Variants in PCDHA10 observed in about 807,000 individuals in gnomAD.
PCDHA10 encodes the protein protocadherin alpha-10.
In PCDHA10, 45 loss-of-function variants were observed where a neutral mutation model predicts 61.2. That is an observed-to-expected ratio of 0.74 (90% confidence interval 0.58 to 0.94). The LOEUF is 0.94. Among genes scored for constraint, PCDHA10 ranks in the 40% least tolerant of loss-of-function variants. PCDHA10 has a pLI of 0.00. For synonymous variants in PCDHA10, 602 were observed against 548.8 expected (o/e 1.10, Z -1.35); for missense variants, 1,278 against 1,236.2 (o/e 1.03, Z -0.51).
chr5:140,891,688 T>G (rs2063203967), intron 1 of PCDHA10, among the ~76,000 whole-genome samples: 1 of 152,224 alleles, frequency 6.6e-6, no homozygotes, highest in Non-Finnish European at 1.5e-5. Flanking sequence ...TCTCTCTTCT[T>G]GCTGTTGTCT....
intron 3 of PCDHA10, among the ~76,000 whole-genome samples, chr5:140,999,630 A>G (rs2097866462): frequency 1.3e-5 from 2 of 152,210 alleles, no homozygotes; most frequent in Non-Finnish European, 2.9e-5. Context: ...GAAACAAGGT[A>G]GAGAAAACTG....
At position 140,941,202 on chromosome 5, in the gene PCDHA10, C is replaced by CCCTTCTTTCTTTCTTT. The variant is rs2092811279; in HGVS notation, c.2389-37746_2389-37745insCTTCTTTCTTTCTTTC. Among the ~76,000 whole-genome samples, 5 of 122,742 alleles carry CCCTTCTTTCTTTCTTT rather than the reference C, an allele frequency of 4.1e-5. No homozygotes were observed. The East Asian group carries it at 1.1e-3, about 27-fold the overall frequency. 80.5% of individuals were successfully genotyped at this position (122,742 alleles called of 152,430 possible). On this transcript the variant is annotated intron_variant, in intron 1 of 3. Transcript: ENST00000307360. ...TCCTGCTTCTTTTTTTTTCTTTCTTCCTTTCTTTCTTCCTTTCTTTCTTTC... is the reference window on the plus strand; with the variant it reads ...TCCTGCTTCTTTTTTTTTCTTTCTTCCCTTCTTTCTTTCTTTCTTTCTTTCTTCCTTTCTTTCTTTC...
chr5:141,004,608 T>A (rs2153981502), intron 3 of PCDHA10, among the ~76,000 whole-genome samples: 1 of 152,348 alleles, frequency 6.6e-6, no homozygotes, highest in African/African-American at 2.4e-5. Flanking sequence ...TTAGGCCTCA[T>A]GCAGAGTCCT....
At chr5:140,861,372 A>C (rs2046882996) in intron 1 of PCDHA10, 3 of 407,054 alleles carry the variant, frequency 7.4e-6, no homozygotes, top group Non-Finnish European at 1.5e-5. Flanking sequence ...CGCGGTCCCT[A>C]TTGCGCAGGA....
intron 1 of PCDHA10, among the ~76,000 whole-genome samples, chr5:140,936,295 C>T (rs1482125698): frequency 1.3e-5 from 2 of 152,182 alleles, no homozygotes; most frequent in African/African-American, 4.8e-5. Context: ...TATAACATTG[C>T]TATCCAATAG....
chr5:140,992,841 A>G (rs1351149915), intron 3 of PCDHA10, among the ~76,000 whole-genome samples: 2 of 152,188 alleles, frequency 1.3e-5, no homozygotes, highest in African/African-American at 2.4e-5. Flanking sequence ...AACATTTTGT[A>G]TAACAACCAG....
rs1478449575 is a variant in PCDHA10 at position 141,010,392 on chromosome 5, G to A, written c.*455G>A. The stretch of plus-strand genomic sequence containing the variant: ...GCGAGTGCCAGATATTGGCTGAGAC[G>A]AGCCAGCTTAGACTAATTGGTACAA... On this transcript the variant is annotated 3_prime_UTR_variant, in exon 4 of 4. Transcript: ENST00000307360. The A allele has an allele frequency of 8.0e-6, 11 of 1,381,722 alleles. No individual in the cohort carries two copies. The highest frequency in any genetic ancestry group is 7.3e-5 in the African/African-American group (5 of 68,772). The allele number at this position is 1,381,722 out of a possible 1,614,324, so 85.6% of individuals were successfully genotyped here. A position where few individuals can be genotyped will look rare whatever the true frequency, so the allele number is the denominator to read the frequency against.
In PCDHA10 at chr5:140,966,434, C is replaced by G. The variant is rs889087342; in HGVS notation, c.2389-12515C>G. 9 of 423,984 alleles carry G rather than the reference C, an allele frequency of 2.1e-5. No individual in the cohort carries two copies. In the Admixed American group the frequency reaches 3.9e-4, roughly 19 times the overall value. The allele number at this position is 423,984 out of a possible 1,614,324, so 26.3% of individuals were successfully genotyped here. On this transcript the variant is annotated intron_variant, in intron 1 of 3. Coordinates refer to ENST00000307360, the MANE Select transcript of PCDHA10 (RefSeq NM_018901.4). ...GAGCAGGACTTGCTGAGCCCTCCTA[C>G]CGCTCCCTTTCCCCCTCCCCCTCTG...
chr5:140,988,750 C>G (rs1282256432), intron 3 of PCDHA10, among the ~76,000 whole-genome samples: 1 of 152,074 alleles, frequency 6.6e-6, no homozygotes, highest in Non-Finnish European at 1.5e-5. Context: ...GATTGGTGGC[C>G]TGGGCAGAAT....
chr5:141,002,374 C>T (rs1228476890), intron 3 of PCDHA10, among the ~76,000 whole-genome samples: 1 of 152,220 alleles, frequency 6.6e-6, no homozygotes, highest in Non-Finnish European at 1.5e-5. Context: ...CTCATTCTGG[C>T]TTAGGGCTCC....
intron 3 of PCDHA10, among the ~76,000 whole-genome samples, chr5:140,997,165 G>A (rs1554255769): frequency 6.6e-6 from 1 of 151,976 alleles, no homozygotes; most frequent in African/African-American, 2.4e-5. Flanking sequence ...CCTGCCCAGA[G>A]TGGTACATTC....
rs190283736 is a variant in PCDHA10 at position 140,986,671 on chromosome 5, A to G, written c.2536+4108A>G. 1.7e-3 allele frequency among the ~76,000 whole-genome samples: 261 copies of G among 152,322 alleles called. 3 individuals carry two copies. The highest frequency in any genetic ancestry group is 2.2e-4 in the Non-Finnish European group (15 of 68,018). ...GTGGGAGATGCTCACAGTTTTCAGA[A>G]GAGTTCAGAAAGTTTCAAAACACAC... On this transcript the variant is annotated intron_variant, in intron 3 of 3. Coordinates refer to ENST00000307360, the MANE Select transcript of PCDHA10 (RefSeq NM_018901.4).
intron 1 of PCDHA10, chr5:140,869,555 G>C (rs2051240207): frequency 6.2e-7 from 1 of 1,614,054 alleles, no homozygotes; most frequent in Non-Finnish European, 8.5e-7. Flanking sequence ...TCGGACTCGC[G>C]TTTTCCACTA....
chr5:141,001,492 T>A (rs1190860523), intron 3 of PCDHA10, among the ~76,000 whole-genome samples: 1 of 152,236 alleles, frequency 6.6e-6, no homozygotes, highest in African/African-American at 2.4e-5. Context: ...CTGGAAATGC[T>A]AGCCCAGGTG....
At chr5:140,862,926 G>C in intron 1 of PCDHA10, 1 of 546,060 alleles carries the variant, frequency 1.8e-6, no homozygotes, top group South Asian at 1.4e-5. Context: ...GGGTGGGCTG[G>C]CGGCGCTGTG....
At chr5:140,870,919 C>A in intron 1 of PCDHA10, 1 of 1,613,952 alleles carries the variant, frequency 6.2e-7, no homozygotes. Context: ...CAACGCGTGG[C>A]TTTCATATGA....
intron 1 of PCDHA10, chr5:140,860,060 G>A (rs1238594068): frequency 2.0e-5 from 3 of 151,870 alleles, no homozygotes; most frequent in Admixed American, 6.6e-5. Context: ...AGGCCAAGGT[G>A]GGAGGATGGT....
At position 140,858,138 on chromosome 5, in the gene PCDHA10, A is replaced by T. The variant is rs577433161; in HGVS notation, c.2090A>T (p.Tyr697Phe). Residue 697 changes from tyrosine (Y) to phenylalanine (F), a missense_variant, in exon 1 of 4, where the codon TAC becomes TTC. Physicochemically the swap from Tyr to Phe is conservative, Grantham distance 22 (BLOSUM62 3). Coordinates refer to ENST00000307360, the MANE Select transcript of PCDHA10 (RefSeq NM_018901.4). ...GTGGCCCTGGTGGATGTCAACGTGT[A>T]CCTGATCATCGCCATCTGCGCGGTG... Reference protein sequence around the residue: ...PEVALVDVNVYLIIAICAVSS... With the variant: ...PEVALVDVNVFLIIAICAVSS... 43 of 1,597,514 alleles carry T rather than the reference A, an allele frequency of 2.7e-5. 1 individual carries two copies. The African/African-American group carries it at 5.5e-4, about 20-fold the overall frequency.
intron 1 of PCDHA10, chr5:140,883,657 C>T: frequency 1.2e-6 from 2 of 1,613,594 alleles, no homozygotes; most frequent in Non-Finnish European, 1.7e-6. Context: ...ACACGGTGTT[C>T]GTGAAGGAAA....
Sources: allele counts gnomAD v4.1 joint callset (sites outside exome capture counted in the v4.1 genomes callset), GRCh38; gene constraint gnomAD v4.1.1; transcripts MANE v1.5; gene names NCBI Gene and HGNC (gene_info 2026-07-23, HGNC 2026-07-21).